The following CCSER1 variants were observed in gnomAD, a reference collection of about 807,000 sequenced individuals.
CCSER1 encodes serine-rich coiled-coil domain-containing protein 1.
Under a neutral mutation model 82.0 loss-of-function variants are expected in CCSER1, and 41 were observed. The observed-to-expected ratio is 0.50, with a 90% CI of 0.39 to 0.65. CCSER1 has a LOEUF of 0.65. Among genes scored for constraint, CCSER1 ranks in the 30% least tolerant of loss-of-function variants. CCSER1 has a pLI of 0.00. For synonymous variants in CCSER1, 414 were observed against 383.9 expected, an observed-to-expected ratio of 1.08 and a Z score of -0.92; for missense variants, 1,119 against 1,064.2, an observed-to-expected ratio of 1.05 and a Z score of -0.72.
chr4:91,216,916 T>A (rs2149093226), intron 10 of CCSER1, among the ~76,000 whole-genome samples: 1 of 152,228 alleles, frequency 6.6e-6, no homozygotes, highest in South Asian at 2.1e-4. Context: ...AGAAGGAAAT[T>A]GATTAAGCCA....
chr4:91,347,884 C>A (rs990159802), intron 10 of CCSER1, among the ~76,000 whole-genome samples: 2 of 151,084 alleles, frequency 1.3e-5, no homozygotes, highest in Non-Finnish European at 3.0e-5. Context: ...CAATTCTCTG[C>A]AATTTTCTAC....
chr4:91,059,154 T>C lies in CCSER1; in HGVS notation c.2173-26796T>C, dbSNP rs1035860850. On this transcript the variant is annotated intron_variant, in intron 9 of 10. Transcript: ENST00000509176. ...TAAACAACCACCCTTGATAACATAC[T>C]TTTATTTTGTGTCACATTCTAATTT... 4.6e-5 allele frequency among the ~76,000 whole-genome samples: 7 copies of C among 152,108 alleles called. No homozygotes were observed. The South Asian group carries it at 1.2e-3, about 27-fold the overall frequency.
chr4:90,609,301 T>C (rs866486197), intron 5 of CCSER1, among the ~76,000 whole-genome samples: 21 of 152,264 alleles, frequency 1.4e-4, no homozygotes, highest in Middle Eastern at 6.8e-3. Flanking sequence ...TTGATATTAA[T>C]TGGTTTATAT....
rs114737862 is a variant in CCSER1, at chr4:91,407,349, G to A, written c.2218-191223G>A. On this transcript the variant is annotated intron_variant, in intron 10 of 10. Transcript: ENST00000509176. ...CGTGTCTTGTTAACATGCAATCTGTGGAGAGTGACCATGTATTTATACGCA... is the reference window on the plus strand; with the variant it reads ...CGTGTCTTGTTAACATGCAATCTGTAGAGAGTGACCATGTATTTATACGCA... Among the ~76,000 whole-genome samples the A allele has an allele frequency of 3.9e-3, 595 of 152,272 alleles. 2 individuals are homozygous for A. Among genetic ancestry groups the A allele is most frequent in the African/African-American group, 0.014 (564 of 41,562 alleles).
chr4:90,773,889 C>T (rs761554329), intron 7 of CCSER1, among the ~76,000 whole-genome samples: 3 of 152,014 alleles, frequency 2.0e-5, no homozygotes, highest in Non-Finnish European at 2.9e-5. Flanking sequence ...GACGTTAGAT[C>T]GGGTATTCAG....
chr4:91,292,087 G>A (rs542953856), intron 10 of CCSER1, among the ~76,000 whole-genome samples: 2 of 152,102 alleles, frequency 1.3e-5, no homozygotes, highest in Admixed American at 1.3e-4. Context: ...AGTAACTCTT[G>A]AAAGGCGAAT....
At chr4:90,802,761 A>G (rs1415306647) in intron 7 of CCSER1, among the ~76,000 whole-genome samples, 1 of 152,154 alleles carries the variant, frequency 6.6e-6, no homozygotes, top group Non-Finnish European at 1.5e-5. Flanking sequence ...ACAGCATGCT[A>G]CTTTGAAACT....
chr4:91,014,613 C>T (rs1739264880), intron 9 of CCSER1, among the ~76,000 whole-genome samples: 2 of 84,668 alleles, frequency 2.4e-5, no homozygotes, highest in Non-Finnish European at 6.9e-5. Context: ...CTGCATGATG[C>T]AAACATTTTC....
chr4:90,919,013 G>A (rs185923028), intron 8 of CCSER1, among the ~76,000 whole-genome samples: 2 of 142,432 alleles, frequency 1.4e-5, no homozygotes, highest in Non-Finnish European at 3.0e-5. Flanking sequence ...ATTTATATTA[G>A]TAGGCATTCT....
intron 6 of CCSER1, among the ~76,000 whole-genome samples, chr4:90,713,722 A>G (rs1741083090): frequency 6.6e-6 from 1 of 151,744 alleles, no homozygotes; most frequent in Non-Finnish European, 1.5e-5. Flanking sequence ...CTTCTGGATG[A>G]TATCCTGGAG....
rs117844353 is a variant in CCSER1, at chr4:90,439,252, C to G, written c.1604-28982C>G. ...GTAGTGAGCTGAGATCACACCACTG[C>G]ACTCTAGCCCGTGTGACAGAGCAAG... On this transcript the variant is annotated intron_variant, in intron 4 of 10. Transcript: ENST00000509176. 7.9e-3 allele frequency among the ~76,000 whole-genome samples: 1,196 copies of G among 152,252 alleles called. 30 individuals carry two copies. The highest frequency in any genetic ancestry group is 0.047 in the East Asian group (241 of 5,162).
At chr4:91,247,655 G>T (rs759375775) in intron 10 of CCSER1, among the ~76,000 whole-genome samples, 6 of 152,070 alleles carry the variant, frequency 3.9e-5, no homozygotes, top group Non-Finnish European at 7.4e-5. Flanking sequence ...ATCACTTGAG[G>T]CCAGGAGTTC....
At chr4:90,457,705 G>C (rs1762367209) in intron 4 of CCSER1, among the ~76,000 whole-genome samples, 1 of 152,068 alleles carries the variant, frequency 6.6e-6, no homozygotes, top group Non-Finnish European at 1.5e-5. Flanking sequence ...TTGTTCCATG[G>C]GCGGCCATGG....
Position 90,191,346 on chromosome 4 carries a change from G to A in CCSER1, c.-42+63515G>A, listed in dbSNP as rs373284735. Among the ~76,000 whole-genome samples the A allele has an allele frequency of 2.5e-4, 38 of 152,128 alleles. No homozygotes were observed. The East Asian group carries it at 6.4e-3, about 26-fold the overall frequency. On this transcript the variant is annotated intron_variant, in intron 1 of 10. Transcript: ENST00000509176. The stretch of plus-strand genomic sequence containing the variant: ...GTGAAGCACATGTACTAGTTTATAC[G>A]GAGAATGAGATAGATGGTCAGAAAG...
chr4:91,305,541 C>T (rs184282438), intron 10 of CCSER1, among the ~76,000 whole-genome samples: 3 of 152,132 alleles, frequency 2.0e-5, no homozygotes, highest in Admixed American at 6.5e-5. Context: ...GTGTAAAATA[C>T]TTCCCACACT....
At chr4:91,288,036 A>T (rs13115685) in intron 10 of CCSER1, among the ~76,000 whole-genome samples, 1 of 147,648 alleles carries the variant, frequency 6.8e-6, no homozygotes, top group Non-Finnish European at 1.5e-5. Context: ...AGTAATTACT[A>T]TTCTAGGCTA....
At chr4:90,426,440 A>G (rs1235060561) in intron 4 of CCSER1, among the ~76,000 whole-genome samples, 2 of 152,246 alleles carry the variant, frequency 1.3e-5, no homozygotes, top group South Asian at 4.1e-4. Context: ...AAGGGGTTGT[A>G]CTTGAACTAT....
At chr4:90,965,801 GA>G (rs1173947173) in intron 9 of CCSER1, among the ~76,000 whole-genome samples, 1 of 151,980 alleles carries the variant, frequency 6.6e-6, no homozygotes, top group Non-Finnish European at 1.5e-5. Context: ...ATAAGAGAGG[GA>G]AAAAATAGTC....
At chr4:90,315,112 C>T (rs558333619) in intron 3 of CCSER1, among the ~76,000 whole-genome samples, 5 of 151,972 alleles carry the variant, frequency 3.3e-5, no homozygotes, top group Non-Finnish European at 5.9e-5. Context: ...AGCCTCCCAG[C>T]GTGCTGGGAT....
Sources: gnomAD v4.1 joint callset for allele counts (sites outside exome capture counted in the v4.1 genomes callset) on GRCh38, gnomAD v4.1.1 for gene constraint, MANE v1.5 for transcripts, NCBI Gene and HGNC (gene_info 2026-07-23, HGNC 2026-07-21) for gene names.